The following YWHAE variants were observed in gnomAD, a reference collection of about 807,000 sequenced individuals.
The protein encoded by YWHAE is 14-3-3 protein epsilon.
In YWHAE, 4 loss-of-function variants were observed where a neutral mutation model predicts 30.1. The observed-to-expected ratio is 0.13, with a 90% confidence interval of 0.07 to 0.30. The LOEUF is 0.30. Ranked by LOEUF, YWHAE falls within the 10% of genes least tolerant of loss-of-function variation. The probability of loss-of-function intolerance (pLI) is 1.00; values close to 1 mark genes in which losing one functional copy is unlikely to be tolerated. For synonymous variants in YWHAE, 118 were observed against 111.8 expected (o/e 1.06, Z -0.35); for missense variants, 121 against 315.9 (o/e 0.38, Z 4.68).
At chr17:1,379,995 C>T (rs970529752) in intron 1 of YWHAE, among the ~76,000 whole-genome samples, 9 of 152,062 alleles carry the variant, frequency 5.9e-5, no homozygotes, top group Admixed American at 2.6e-4. Context: ...CCACATACCA[C>T]GTGCACTTTT....
chr17:1,347,970 G>C, intron 5 of YWHAE: 1 of 1,011,358 alleles, frequency 9.9e-7, no homozygotes, highest in Non-Finnish European at 1.2e-6. Context: ...ACAAAGTAGA[G>C]TTTTTAGGAA....
chr17:1,397,765 A>T (rs1338017999), intron 1 of YWHAE, among the ~76,000 whole-genome samples: 1 of 152,118 alleles, frequency 6.6e-6, no homozygotes. Context: ...TAGAGGACAC[A>T]GGTAGAAATT....
At chr17:1,390,520 C>T (rs2073373882) in intron 1 of YWHAE, among the ~76,000 whole-genome samples, 3 of 152,148 alleles carry the variant, frequency 2.0e-5, no homozygotes. Flanking sequence ...ATAGTACCGA[C>T]AAGTATTACA....
chr17:1,391,226 G>C (rs2073385673), intron 1 of YWHAE, among the ~76,000 whole-genome samples: 1 of 152,098 alleles, frequency 6.6e-6, no homozygotes, highest in Non-Finnish European at 1.5e-5. Flanking sequence ...GTGGGGGAGG[G>C]AGCTAGGAGG....
chr17:1,358,035 G>T (rs1015382405), intron 4 of YWHAE, among the ~76,000 whole-genome samples: 1 of 151,966 alleles, frequency 6.6e-6, no homozygotes, highest in South Asian at 2.1e-4. Context: ...TTGCTAAGAG[G>T]TTACTATCTG....
intron 1 of YWHAE, among the ~76,000 whole-genome samples, chr17:1,383,305 G>A (rs557689642): frequency 5.9e-5 from 9 of 151,892 alleles, no homozygotes; most frequent in East Asian, 3.9e-4. Context: ...AGCTGAGATC[G>A]CGCGATTGCA....
intron 1 of YWHAE, among the ~76,000 whole-genome samples, chr17:1,370,343 G>T (rs1396305853): frequency 2.0e-5 from 3 of 151,770 alleles, no homozygotes; most frequent in East Asian, 3.9e-4. Context: ...ATGTTAGCCA[G>T]GACGGTCTCG....
intron 1 of YWHAE, among the ~76,000 whole-genome samples, chr17:1,380,449 T>C (rs897603862): frequency 8.5e-5 from 13 of 152,166 alleles, no homozygotes; most frequent in Non-Finnish European, 1.5e-4. Flanking sequence ...ACCTCAAGTA[T>C]GCCACATAAT....
Position 1,365,000 on chromosome 17 carries a change from T to C in YWHAE, c.123A>G (p.Glu41=), listed in dbSNP as rs755297143. 1 of 1,614,018 alleles carries C rather than the reference T, an allele frequency of 6.2e-7. No homozygotes were observed. Among genetic ancestry groups the C allele is most frequent in the African/African-American group, 1.3e-5 (1 of 74,932 alleles). The change falls in exon 2 of 6, where the codon GAA becomes GAG. Residue 41 remains glutamate (E), a synonymous_variant. Transcript: ENST00000264335. ...TATATGCAACAGATAGGAGGTTTCT[T>C]TCTTCAACTGTCAGCTCCACATCCA... is the stretch of plus-strand genomic sequence containing the variant. ...AGMDVELTVE[E]RNLLSVAYKN...
chr17:1,384,235 G>A (rs182031319), intron 1 of YWHAE, among the ~76,000 whole-genome samples: 1 of 152,124 alleles, frequency 6.6e-6, no homozygotes, highest in East Asian at 1.9e-4. Flanking sequence ...AAATTAGCCA[G>A]GCATGGTGGG....
At chr17:1,360,124 G>A (rs187767606) in intron 4 of YWHAE, among the ~76,000 whole-genome samples, 3 of 151,992 alleles carry the variant, frequency 2.0e-5, no homozygotes, top group East Asian at 1.9e-4. Flanking sequence ...CACCACACCC[G>A]GCTAATTTTG....
chr17:1,386,578 A>G (rs2073303156), intron 1 of YWHAE, among the ~76,000 whole-genome samples: 1 of 152,212 alleles, frequency 6.6e-6, no homozygotes, highest in Admixed American at 6.5e-5. Flanking sequence ...TTTTCAAAAG[A>G]CAATAATCTT....
At chr17:1,349,602 A>C (rs2072587342) in intron 5 of YWHAE, among the ~76,000 whole-genome samples, 1 of 148,290 alleles carries the variant, frequency 6.7e-6, no homozygotes, top group South Asian at 2.2e-4. Flanking sequence ...ATTGAACACA[A>C]ATGAATTTCA....
intron 1 of YWHAE, among the ~76,000 whole-genome samples, chr17:1,369,304 G>A (rs1035106647): frequency 3.3e-5 from 5 of 152,156 alleles, no homozygotes; most frequent in South Asian, 2.1e-4. Flanking sequence ...GAACAGCCTG[G>A]CCAACATAGT....
chr17:1,393,803 T>C (rs1807389393), intron 1 of YWHAE, among the ~76,000 whole-genome samples: 1 of 152,140 alleles, frequency 6.6e-6, no homozygotes, highest in African/African-American at 2.4e-5. Flanking sequence ...ATAAATCATG[T>C]TTTTTAAGAA....
intron 1 of YWHAE, among the ~76,000 whole-genome samples, chr17:1,374,495 T>C (rs1454635146): frequency 6.6e-6 from 1 of 152,182 alleles, no homozygotes; most frequent in Non-Finnish European, 1.5e-5. Flanking sequence ...AACTAGCTTT[T>C]TGAGGAAGGA....
intron 1 of YWHAE, among the ~76,000 whole-genome samples, chr17:1,391,820 T>C (rs912393988): frequency 7.9e-5 from 12 of 152,132 alleles, no homozygotes; most frequent in African/African-American, 2.9e-4. Flanking sequence ...AAAAAAGTTT[T>C]AATTAGCTGG....
chr17:1,399,919 G>C, intron 1 of YWHAE, 128 bp downstream of exon 1: 1 of 1,158,542 alleles, frequency 8.6e-7, no homozygotes. Flanking sequence ...GCCATTTCCT[G>C]CTTCCCGAAC....
intron 5 of YWHAE, 68 bp downstream of exon 5, chr17:1,354,143 T>G: frequency 1.3e-6 from 2 of 1,548,240 alleles, no homozygotes; most frequent in Non-Finnish European, 1.7e-6. Context: ...AGCCAAGGAA[T>G]GTCTAAAGAG....
Sources: gnomAD v4.1 joint callset for allele counts (sites outside exome capture counted in the v4.1 genomes callset) on GRCh38, gnomAD v4.1.1 for gene constraint, MANE v1.5 for transcripts, NCBI Gene and HGNC (gene_info 2026-07-23, HGNC 2026-07-21) for gene names.